Variants in SMG1 observed in about 807,000 individuals in gnomAD.
SMG1 encodes serine/threonine-protein kinase SMG1.
SMG1 carries 22 observed loss-of-function variants against 419.9 expected under a neutral mutation model. The ratio of observed to expected loss-of-function variants is 0.05; its 90% CI spans 0.04 to 0.07. SMG1 has a LOEUF of 0.07. Among genes scored for constraint, SMG1 ranks in the 10% least tolerant of loss-of-function variants. SMG1 has a pLI of 1.00. For synonymous variants in SMG1, 1,538 were observed against 1,553.5 expected (o/e 0.99, Z 0.23); for missense variants, 3,185 against 4,342.0 (o/e 0.73, Z 7.49).
chr16:18,863,565 T>C (rs2035322472), intron 25 of SMG1, 85 bp downstream of exon 25: 3 of 1,228,206 alleles, frequency 2.4e-6, no homozygotes, highest in African/African-American at 1.5e-5. Flanking sequence ...TTACTACATA[T>C]GACCAATTTT....
intron 38 of SMG1, among the ~76,000 whole-genome samples, chr16:18,845,881 T>C (rs1463278902): frequency 6.6e-6 from 1 of 151,992 alleles, no homozygotes; most frequent in Non-Finnish European, 1.5e-5. Context: ...AGTGGTACAA[T>C]CTTGGCTCAC....
intron 62 of SMG1, among the ~76,000 whole-genome samples, chr16:18,809,857 G>C (rs1419804822): frequency 1.3e-5 from 2 of 151,860 alleles, no homozygotes; most frequent in Non-Finnish European, 2.9e-5. Flanking sequence ...AGAGAGCTAA[G>C]ACAGTTATAA....
At position 18,808,832 on chromosome 16, in the gene SMG1, AT is replaced by A. The variant is rs1303201767; in HGVS notation, c.*736del. On this transcript the variant is annotated 3_prime_UTR_variant, in exon 63 of 63. Transcript: ENST00000446231. The stretch of plus-strand genomic sequence containing the variant: ...CAGCATCGAGACGGAAGTATATGAA[AT>A]ATAAGGACTGAAATAAAAGTGAATT... The A allele has an allele frequency of 6.6e-6, 1 of 152,562 alleles. No homozygotes were observed. Among genetic ancestry groups the A allele is most frequent in the Non-Finnish European group, 1.5e-5 (1 of 68,034 alleles). The allele number at this position is 152,562 out of a possible 1,614,324, so 9.5% of individuals were successfully genotyped here.
intron 1 of SMG1, among the ~76,000 whole-genome samples, chr16:18,901,285 A>G (rs1441083968): frequency 6.6e-6 from 1 of 152,132 alleles, no homozygotes; most frequent in Non-Finnish European, 1.5e-5. Flanking sequence ...GTGCACTGGC[A>G]TGACCATAGC....
intron 16 of SMG1, 125 bp from the exon 17 acceptor site, chr16:18,871,013 T>C: frequency 1.5e-6 from 1 of 646,844 alleles, no homozygotes; most frequent in Non-Finnish European, 2.6e-6. Flanking sequence ...GACTAGGCAC[T>C]ACTCTTGTCC....
chr16:18,845,222 C>T (rs1596507124), intron 39 of SMG1, among the ~76,000 whole-genome samples: 1 of 152,270 alleles, frequency 6.6e-6, no homozygotes, highest in Middle Eastern at 3.4e-3. Flanking sequence ...GCACCTTTGC[C>T]GTCCATCCCC....
At position 18,830,121 on chromosome 16, in the gene SMG1, TA is replaced by T; in HGVS notation, c.8944-7del. 1 of 1,600,816 alleles carries T rather than the reference TA, an allele frequency of 6.2e-7. No homozygotes were observed. The highest frequency in any genetic ancestry group is 8.5e-7 in the Non-Finnish European group (1 of 1,172,702). ...GGAATTTCCATCTTGTTCAACTATG[TA>T]AATGAAAGAAAACAAAGTTCATTTC... On this transcript the variant is annotated splice_region_variant and splice_polypyrimidine_tract_variant and intron_variant, in intron 52 of 62. Coordinates refer to ENST00000446231, the MANE Select transcript of SMG1 (RefSeq NM_015092.5).
intron 6 of SMG1, 24 bp from the exon 7 acceptor site, chr16:18,885,690 C>T (rs753203710): frequency 1.6e-5 from 25 of 1,594,006 alleles, no homozygotes; most frequent in South Asian, 5.5e-5. Context: ...AGTTACAAAC[C>T]GTGAACATTC....
At chr16:18,901,902 G>A (rs1376071172) in intron 1 of SMG1, among the ~76,000 whole-genome samples, 1 of 135,912 alleles carries the variant, frequency 7.4e-6, no homozygotes, top group Non-Finnish European at 1.5e-5. Context: ...CTGAGATCAT[G>A]CCACTGCACT....
At chr16:18,816,201 A>T in intron 58 of SMG1, 101 bp downstream of exon 58, 1 of 912,172 alleles carries the variant, frequency 1.1e-6, no homozygotes, top group Non-Finnish European at 1.6e-6. Flanking sequence ...GATGAGATAA[A>T]TTGTTATTTA....
At chr16:18,820,420 T>G (rs1161118548) in intron 55 of SMG1, among the ~76,000 whole-genome samples, 1 of 151,164 alleles carries the variant, frequency 6.6e-6, no homozygotes, top group African/African-American at 2.4e-5. Flanking sequence ...CCCAGGCTGG[T>G]CTCAAACTCC....
chr16:18,881,971 G>C (rs1380172134), intron 10 of SMG1, among the ~76,000 whole-genome samples, 194 bp downstream of exon 10: 2 of 151,984 alleles, frequency 1.3e-5, no homozygotes, highest in Non-Finnish European at 2.9e-5. Context: ...GATGAAAGGA[G>C]GATGAGATGT....
In SMG1 at chr16:18,858,251, A is replaced by G. The variant is rs370538647; in HGVS notation, c.4153T>C (p.Cys1385Arg). The part of the protein sequence containing the change: ...IPLFSEALRS[C>R]KQHDVRPWMQ... ...CATGGCCTCACGTCATGCTGTTTAC[A>G]TGAACGTAAAGCTTCACTGAAGAGT... The change falls in exon 29 of 63, where the codon TGT becomes CGT. Residue 1385 changes from cysteine to arginine, a missense_variant. Physicochemically the swap from Cys to Arg is radical, Grantham distance 180. Around this residue, in one of 27 missense-constraint regions of SMG1, gnomAD observed 493 missense variants for 552.9 expected, o/e 0.89. Coordinates refer to ENST00000446231, the MANE Select transcript of SMG1 (RefSeq NM_015092.5). 9.3e-6 allele frequency: 15 copies of G among 1,610,240 alleles called. No homozygotes were observed. The highest frequency in any genetic ancestry group is 1.2e-5 in the Non-Finnish European group (14 of 1,178,306).
intron 5 of SMG1, 87 bp from the exon 6 acceptor site, chr16:18,889,672 T>A: frequency 3.5e-6 from 2 of 567,950 alleles, no homozygotes; most frequent in Non-Finnish European, 6.3e-6. Flanking sequence ...TACAAAAGAA[T>A]GTCTTAAGTG....
rs2032117632 is a variant in SMG1 at position 18,817,474 on chromosome 16, TAAA to T, written c.9895-7_9895-5del. 3.8e-6 allele frequency: 6 copies of T among 1,562,382 alleles called. No homozygotes were observed. The highest frequency in any genetic ancestry group is 5.2e-6 in the Non-Finnish European group (6 of 1,152,046). On this transcript the variant is annotated splice_region_variant and splice_polypyrimidine_tract_variant and intron_variant, in intron 56 of 62. Coordinates refer to ENST00000446231, the MANE Select transcript of SMG1 (RefSeq NM_015092.5). ...TATTGCTGCAGAGAAATGTGACCTG[TAAA>T]GACAGAAATGGAACCACAAGAGGAG... is the stretch of plus-strand genomic sequence containing the variant.
Position 18,853,637 on chromosome 16 carries a change from G to A in SMG1, c.4714C>T (p.Pro1572Ser). The change falls in exon 31 of 63, where the codon CCA becomes TCA. Residue 1572 changes from proline to serine, a missense_variant. Pro to Ser is a moderately conservative substitution (Grantham distance 74). Around this residue, in one of 27 missense-constraint regions of SMG1, gnomAD observed 493 missense variants for 552.9 expected, o/e 0.89. Transcript: ENST00000446231. ...TCTTCTTCCATCGTATTAACAGATG[G>A]CAGTTCTATTAGAGTGAGTATGTTT... is the stretch of plus-strand genomic sequence containing the variant. Reference protein sequence around the residue: ...SKNILTLIELPSVNTMEEEYP... With the variant: ...SKNILTLIELSSVNTMEEEYP... 3 of 1,610,656 alleles carry A rather than the reference G, an allele frequency of 1.9e-6. No homozygotes were observed. The South Asian group carries it at 3.3e-5, about 18-fold the overall frequency.
At chr16:18,865,464 T>C (rs944203345) in intron 23 of SMG1, among the ~76,000 whole-genome samples, 5 of 152,076 alleles carry the variant, frequency 3.3e-5, no homozygotes, top group Admixed American at 1.3e-4. Context: ...GCCTTTCTTC[T>C]AGTAAATCAG....
chr16:18,839,660 A>C (rs759795037), intron 42 of SMG1, 38 bp downstream of exon 42: 4 of 1,604,568 alleles, frequency 2.5e-6, no homozygotes. Flanking sequence ...GGCAAAAGAA[A>C]TACTACTACT....
intron 62 of SMG1, among the ~76,000 whole-genome samples, chr16:18,810,683 A>G (rs776292234): frequency 8.5e-5 from 13 of 152,176 alleles, no homozygotes; most frequent in Non-Finnish European, 1.8e-4. Context: ...AATAAGCAAT[A>G]AAGGATATTT....
Sources: allele counts gnomAD v4.1 joint callset (sites outside exome capture counted in the v4.1 genomes callset), GRCh38; gene constraint gnomAD v4.1.1; regional missense constraint gnomAD v4.1.1; transcripts MANE v1.5; gene names NCBI Gene and HGNC (gene_info 2026-07-23, HGNC 2026-07-21).